Variants in SNTG1 observed in about 807,000 individuals in gnomAD.
The protein encoded by SNTG1 is gamma-1-syntrophin.
SNTG1 carries 39 observed loss-of-function variants against 74.7 expected under a neutral mutation model. The observed-to-expected ratio is 0.52, with a 90% CI of 0.40 to 0.68. The LOEUF is 0.68. Ranked by LOEUF, SNTG1 falls within the 30% of genes least tolerant of loss-of-function variation. The pLI, the probability that SNTG1 is intolerant of heterozygous loss-of-function variation, is 0.00. For synonymous variants in SNTG1, 254 were observed against 217.1 expected (o/e 1.17, Z -1.49); for missense variants, 685 against 609.5 (o/e 1.12, Z -1.30).
intron 2 of SNTG1, among the ~76,000 whole-genome samples, chr8:50,185,525 T>C (rs1414232707): frequency 1.3e-5 from 2 of 152,182 alleles, no homozygotes; most frequent in Admixed American, 1.3e-4. Context: ...TGTGACTCAT[T>C]TGACAGTTTC....
chr8:50,107,362 A>C (rs143917298), intron 1 of SNTG1, among the ~76,000 whole-genome samples: 1 of 152,196 alleles, frequency 6.6e-6, no homozygotes, highest in African/African-American at 2.4e-5. Flanking sequence ...AAAAGAAAAT[A>C]GATTGAAAGA....
intron 1 of SNTG1, among the ~76,000 whole-genome samples, chr8:50,013,107 C>T (rs939835701): frequency 2.0e-5 from 3 of 151,912 alleles, no homozygotes; most frequent in Non-Finnish European, 4.4e-5. Context: ...TAACACAGGC[C>T]CAGGCACTTT....
chr8:50,566,670 A>G, intron 12 of SNTG1, among the ~76,000 whole-genome samples: 1 of 151,806 alleles, frequency 6.6e-6, no homozygotes, highest in East Asian at 1.9e-4. Context: ...ATAACCTCAA[A>G]ACTCTCCATT....
At chr8:50,282,944 A>G (rs1428753727) in intron 2 of SNTG1, among the ~76,000 whole-genome samples, 2 of 152,216 alleles carry the variant, frequency 1.3e-5, no homozygotes, top group Non-Finnish European at 2.9e-5. Context: ...CCATATTGCC[A>G]TGAAAATAAA....
At chr8:50,427,452 C>T (rs1354167448) in intron 4 of SNTG1, among the ~76,000 whole-genome samples, 5 of 152,006 alleles carry the variant, frequency 3.3e-5, no homozygotes, top group East Asian at 1.9e-4. Flanking sequence ...TTTTTTGAGT[C>T]GGGGTCTCCC....
chr8:50,703,884 CA>C (rs1375825673), intron 15 of SNTG1, among the ~76,000 whole-genome samples: 1 of 152,178 alleles, frequency 6.6e-6, no homozygotes, highest in African/African-American at 2.4e-5. Flanking sequence ...CCTTATGCGG[CA>C]CATGACTGTA....
chr8:50,004,138 T>G (rs977258079), intron 1 of SNTG1, among the ~76,000 whole-genome samples: 5 of 152,134 alleles, frequency 3.3e-5, no homozygotes, highest in African/African-American at 1.2e-4. Flanking sequence ...CCATTAATGA[T>G]TTTTGTAAGG....
At chr8:50,511,194 A>T (rs2094070114) in intron 9 of SNTG1, among the ~76,000 whole-genome samples, 2 of 152,204 alleles carry the variant, frequency 1.3e-5, no homozygotes, top group Non-Finnish European at 2.9e-5. Flanking sequence ...ATTCAGGAGC[A>T]GGTTGTTCAG....
chr8:50,706,021 C>T (rs1181946041), intron 16 of SNTG1, among the ~76,000 whole-genome samples: 1 of 152,158 alleles, frequency 6.6e-6, no homozygotes. Flanking sequence ...TTGTTGGATA[C>T]ATATATTTTG....
intron 8 of SNTG1, among the ~76,000 whole-genome samples, chr8:50,473,101 C>G (rs971799601): frequency 1.3e-5 from 2 of 152,094 alleles, no homozygotes; most frequent in African/African-American, 4.8e-5. Flanking sequence ...ATTGCAATCC[C>G]CACGTTCCCC....
intron 15 of SNTG1, among the ~76,000 whole-genome samples, chr8:50,689,724 C>G (rs10958038): frequency 6.6e-6 from 1 of 151,974 alleles, no homozygotes; most frequent in Non-Finnish European, 1.5e-5. Flanking sequence ...TTCGTTGTGT[C>G]TCTGCCAGGC....
chr8:50,603,524 A>T (rs1037536739), intron 13 of SNTG1, among the ~76,000 whole-genome samples: 2 of 151,712 alleles, frequency 1.3e-5, no homozygotes. Context: ...TGTCTTATTT[A>T]TTTTTTTTGG....
chr8:50,657,560 G>T (rs943678073), intron 14 of SNTG1, among the ~76,000 whole-genome samples: 1 of 151,958 alleles, frequency 6.6e-6, no homozygotes, highest in African/African-American at 2.4e-5. Context: ...CAAAATGATA[G>T]CATCTTATCT....
chr8:50,507,458 C>T (rs774737178), intron 9 of SNTG1, among the ~76,000 whole-genome samples: 1 of 151,952 alleles, frequency 6.6e-6, no homozygotes, highest in Non-Finnish European at 1.5e-5. Flanking sequence ...TGGTCATGGG[C>T]CCTTCGTATT....
intron 1 of SNTG1, among the ~76,000 whole-genome samples, chr8:50,093,276 A>G (rs1226558655): frequency 6.6e-6 from 1 of 152,164 alleles, no homozygotes; most frequent in East Asian, 1.9e-4. Context: ...ATTTTCTTTC[A>G]ATTACAATCT....
chr8:50,080,227 C>T (rs568405487), intron 1 of SNTG1, among the ~76,000 whole-genome samples: 4 of 152,224 alleles, frequency 2.6e-5, no homozygotes, highest in Admixed American at 6.5e-5. Context: ...CTTCTCATCG[C>T]TGTACTATTT....
chr8:49,936,965 A>G (rs1808137025), intron 1 of SNTG1, among the ~76,000 whole-genome samples: 1 of 152,166 alleles, frequency 6.6e-6, no homozygotes, highest in African/African-American at 2.4e-5. Flanking sequence ...CCTGGTCAAC[A>G]TGGTAAAACC....
chr8:50,460,559 A>G (rs1681980531), intron 8 of SNTG1, among the ~76,000 whole-genome samples: 1 of 152,136 alleles, frequency 6.6e-6, no homozygotes. Context: ...ATTCTTTCCC[A>G]AAGCCGATGT....
intron 2 of SNTG1, among the ~76,000 whole-genome samples, chr8:50,217,128 T>G: frequency 6.6e-6 from 1 of 151,978 alleles, no homozygotes; most frequent in Admixed American, 6.6e-5. Flanking sequence ...ATGATTCAAC[T>G]TAGTGTAGAC....
Sources: gnomAD v4.1 joint callset for allele counts (sites outside exome capture counted in the v4.1 genomes callset) on GRCh38, gnomAD v4.1.1 for gene constraint, MANE v1.5 for transcripts, NCBI Gene and HGNC (gene_info 2026-07-23, HGNC 2026-07-21) for gene names.